Variants in C1orf50 observed in about 807,000 individuals in gnomAD.
C1orf50 encodes the protein uncharacterized protein C1orf50.
C1orf50 carries 22 observed loss-of-function variants against 23.3 expected under a neutral mutation model. That is an observed-to-expected ratio of 0.94 (90% CI 0.67 to 1.35). The LOEUF (loss-of-function observed/expected upper bound fraction) is 1.35, where lower values mean the gene tolerates loss of function less well. C1orf50 is among the 40% of genes most tolerant of loss of function. The pLI, the probability that C1orf50 is intolerant of heterozygous loss-of-function variation, is 0.00. For synonymous variants in C1orf50, 96 were observed against 102.4 expected, an observed-to-expected ratio of 0.94 and a Z score of 0.38; for missense variants, 271 against 249.4, an observed-to-expected ratio of 1.09 and a Z score of -0.58.
chr1:42,767,379 C>T lies in C1orf50; in HGVS notation c.68C>T (p.Ala23Val). 1.9e-6 allele frequency: 3 copies of T among 1,539,614 alleles called. No homozygotes were observed. The highest frequency in any genetic ancestry group is 2.6e-6 in the Non-Finnish European group (3 of 1,147,100). Residue 23 changes from alanine to valine, a missense_variant, in exon 1 of 5, where the codon GCA becomes GTA. Ala to Val is a moderately conservative substitution (Grantham distance 64). Coordinates refer to ENST00000372525, the MANE Select transcript of C1orf50 (RefSeq NM_024097.4). ...VLERQGAPPA[A>V]GQGGALVELT... ...GAAAGGCAAGGAGCGCCGCCAGCTG[C>T]AGGCCAGGGAGGTATGCGGGGCGGG...
chr1:42,772,999 A>C (rs1653256468), intron 2 of C1orf50, among the ~76,000 whole-genome samples: 1 of 152,224 alleles, frequency 6.6e-6, no homozygotes, highest in Non-Finnish European at 1.5e-5. Context: ...TTCTCAGTTC[A>C]GGGGGTGTGG....
Position 42,774,773 on chromosome 1 carries a change from C to T in C1orf50, c.319C>T (p.His107Tyr). 1 of 1,613,494 alleles carries T rather than the reference C, an allele frequency of 6.2e-7. No homozygotes were observed. The highest frequency in any genetic ancestry group is 2.2e-5 in the East Asian group (1 of 44,876). ...EDAHRDANLH[H>Y]VACNIVKKPG... is the part of the protein sequence containing the mutation. ...TGCTCACAGAGATGCCAACCTGCAC[C>T]ATGTAGCTTGTAATATAGTGAAAAA... Residue 107 changes from histidine (H) to tyrosine (Y), a missense_variant, in exon 4 of 5, where the codon CAT (histidine) becomes TAT (tyrosine). Transcript: ENST00000372525.
At position 42,767,326 on chromosome 1, in the gene C1orf50, C is replaced by T. The variant is rs193038877; in HGVS notation, c.15C>T (p.Ala5=). ...AAGGCGCTGTCATGGAGGACGCCGC[C>T]GCGCCGGGGCGGACCGAGGGGGTCC... is the stretch of plus-strand genomic sequence containing the variant. The part of the protein sequence containing the change: MEDA[A]APGRTEGVLE... Residue 5 remains alanine, a synonymous_variant, in exon 1 of 5, where the codon GCC becomes GCT. Transcript: ENST00000372525. 2 of 1,519,130 alleles carry T rather than the reference C, an allele frequency of 1.3e-6. No homozygotes were observed. The highest frequency in any genetic ancestry group is 2.5e-5 in the Admixed American group (1 of 39,584). 94.1% of individuals were successfully genotyped at this position (1,519,130 alleles called of 1,614,324 possible).
At position 42,778,802 on chromosome 1, in the gene C1orf50, A is replaced by G. The variant is rs977988305; in HGVS notation, c.*3408A>G. 1 of 152,306 alleles carries G rather than the reference A, an allele frequency of 6.6e-6. No homozygotes were observed. The highest frequency in any genetic ancestry group is 1.5e-5 in the Non-Finnish European group (1 of 68,042). The allele number at this position is 152,306 out of a possible 1,614,324, so 9.4% of individuals were successfully genotyped here. On this transcript the variant is annotated 3_prime_UTR_variant, in exon 5 of 5. Transcript: ENST00000372525. ...AACAGGAGAATATGGACTGGGGAAT[A>G]TGAGAGAAGAACTAATGGAAGGATT...
chr1:42,777,660 T>C lies in C1orf50; in HGVS notation c.*2266T>C, dbSNP rs1238256295. ...AGCCCATATTCAAGGGAGGGAGTTA[T>C]ACAAAGGCATGTATACCAGAAGGCA... On this transcript the variant is annotated 3_prime_UTR_variant, in exon 5 of 5. Transcript: ENST00000372525. The C allele has an allele frequency of 1.3e-5, 2 of 152,200 alleles. No individual in the cohort carries two copies. Among genetic ancestry groups the C allele is most frequent in the African/African-American group, 4.8e-5 (2 of 41,452 alleles). The allele number at this position is 152,200 out of a possible 1,614,324, so 9.4% of individuals were successfully genotyped here.
chr1:42,768,142 A>T (rs944449455), intron 2 of C1orf50, among the ~76,000 whole-genome samples: 4 of 152,238 alleles, frequency 2.6e-5, no homozygotes, highest in Non-Finnish European at 5.9e-5. Context: ...TAAGGAGGAA[A>T]TGTGAAATAA....
At chr1:42,772,846 A>G (rs778120906) in intron 2 of C1orf50, among the ~76,000 whole-genome samples, 2 of 152,166 alleles carry the variant, frequency 1.3e-5, no homozygotes, top group African/African-American at 2.4e-5. Flanking sequence ...TCTTGTGTGT[A>G]CATTATAACT....
In C1orf50 at chr1:42,776,315, C is replaced by T. The variant is rs1261768592; in HGVS notation, c.*921C>T. ...CATTTTGACCAGAATTATTCAAGAA[C>T]TTAACAGGGTTTTGGCAAAATTACT... On this transcript the variant is annotated 3_prime_UTR_variant, in exon 5 of 5. Coordinates refer to ENST00000372525, the MANE Select transcript of C1orf50 (RefSeq NM_024097.4). 1 of 152,216 alleles carries T rather than the reference C, an allele frequency of 6.6e-6. No homozygotes were observed. Among genetic ancestry groups the T allele is most frequent in the Non-Finnish European group, 1.5e-5 (1 of 68,040 alleles). 9.4% of individuals were successfully genotyped at this position (152,216 alleles called of 1,614,324 possible). A position where few individuals can be genotyped will look rare whatever the true frequency, so the allele number is the denominator to read the frequency against.
chr1:42,774,734 T>TAGGTACTGGAAGATGCTCACAGAGATGCC lies in C1orf50; in HGVS notation c.283-1_310dup. The TAGGTACTGGAAGATGCTCACAGAGATGCC allele has an allele frequency of 6.2e-7, 1 of 1,604,134 alleles. No homozygotes were observed. Among genetic ancestry groups the TAGGTACTGGAAGATGCTCACAGAGATGCC allele is most frequent in the Non-Finnish European group, 8.5e-7 (1 of 1,172,488 alleles). The stretch of plus-strand genomic sequence containing the variant: ...TAATTTGTTACATATCTGTGATTCA[T>TAGGTACTGGAAGATGCTCACAGAGATGCC]AGGTACTGGAAGATGCTCACAGAGA... On this transcript the variant is annotated splice_polypyrimidine_tract_variant and splice_region_variant and intron_variant, in intron 3 of 4. Transcript: ENST00000372525.
At chr1:42,774,582 T>A (rs1370467779) in intron 3 of C1orf50, among the ~76,000 whole-genome samples, 155 bp from the exon 4 acceptor site, 1 of 152,228 alleles carries the variant, frequency 6.6e-6, no homozygotes, top group Non-Finnish European at 1.5e-5. Flanking sequence ...AATTTTTGTT[T>A]CTTCAGAATA....
rs1170074140 is a variant in C1orf50 at position 42,767,543 on chromosome 1, C to T, written c.114C>T (p.Gly38=). 1 of 1,602,800 alleles carries T rather than the reference C, an allele frequency of 6.2e-7. No homozygotes were observed. Among genetic ancestry groups the T allele is most frequent in the Non-Finnish European group, 8.5e-7 (1 of 1,175,532 alleles). The change falls in exon 2 of 5, where the codon GGC becomes GGT. Residue 38 remains glycine (G), a synonymous_variant. Coordinates refer to ENST00000372525, the MANE Select transcript of C1orf50 (RefSeq NM_024097.4). ...ALVELTPTPG[G]LALVSPYHTH... is the part of the protein sequence containing the mutation. Reference sequence around the variant, plus strand: ...TGGAGCTCACCCCGACCCCCGGCGGCCTGGCCCTGGTGAGCCCCTACCACA... The same window carrying T: ...TGGAGCTCACCCCGACCCCCGGCGGTCTGGCCCTGGTGAGCCCCTACCACA...
intron 2 of C1orf50, among the ~76,000 whole-genome samples, chr1:42,770,394 ACTCT>A (rs1653190489): frequency 6.8e-6 from 1 of 147,078 alleles, no homozygotes; most frequent in Non-Finnish European, 1.5e-5. Context: ...AGAAATACCT[ACTCT>A]CTCCTTGGCC....
At position 42,775,391 on chromosome 1, in the gene C1orf50, C is replaced by CT. The variant is rs1653315973; in HGVS notation, c.598dup (p.Ter200LeufsTer31). 1 of 1,582,036 alleles carries CT rather than the reference C, an allele frequency of 6.3e-7. No individual in the cohort carries two copies. Among genetic ancestry groups the CT allele is most frequent in the East Asian group, 2.3e-5 (1 of 44,130 alleles). On this transcript the variant is annotated frameshift_variant, in exon 5 of 5. Coordinates refer to ENST00000372525, the MANE Select transcript of C1orf50 (RefSeq NM_024097.4). LOFTEE classifies it high-confidence loss of function. ...AACCCAACTTCCAGGGACTGACTCA[C>CT]TGAGAGTGGGCTTTGACAAACAGCT...
chr1:42,767,417 G>T (rs1441161255), intron 1 of C1orf50, 27 bp downstream of exon 1: 1 of 1,555,176 alleles, frequency 6.4e-7, no homozygotes, highest in Non-Finnish European at 8.7e-7. Context: ...TCAGCAGGGG[G>T]AAGTCAGCTC....
chr1:42,769,092 C>T (rs1332100678), intron 2 of C1orf50, among the ~76,000 whole-genome samples: 1 of 151,578 alleles, frequency 6.6e-6, no homozygotes, highest in Admixed American at 6.6e-5. Flanking sequence ...GGTGAAACCC[C>T]GTCTCTACTA....
At position 42,776,299 on chromosome 1, in the gene C1orf50, C is replaced by T. The variant is rs1190864710; in HGVS notation, c.*905C>T. The stretch of plus-strand genomic sequence containing the variant: ...AACTCAGATTGAAATCCATTTTGAC[C>T]AGAATTATTCAAGAACTTAACAGGG... On this transcript the variant is annotated 3_prime_UTR_variant, in exon 5 of 5. Transcript: ENST00000372525. 6.6e-6 allele frequency: 1 copy of T among 152,194 alleles called. No individual in the cohort carries two copies. Among genetic ancestry groups the T allele is most frequent in the African/African-American group, 2.4e-5 (1 of 41,442 alleles). The allele number at this position is 152,194 out of a possible 1,614,324, so 9.4% of individuals were successfully genotyped here.
At chr1:42,772,867 T>C (rs568144410) in intron 2 of C1orf50, among the ~76,000 whole-genome samples, 92 of 152,320 alleles carry the variant, frequency 6.0e-4, no homozygotes, top group African/African-American at 2.1e-3. Flanking sequence ...CTGTTTCAGG[T>C]CCACATCATA....
Position 42,767,538 on chromosome 1 carries a change from G to A in C1orf50, c.109G>A (p.Gly37Ser). ...CCTGGTGGAGCTCACCCCGACCCCC[G>A]GCGGCCTGGCCCTGGTGAGCCCCTA... ...GALVELTPTP[G>S]GLALVSPYHT... The change falls in exon 2 of 5, where the codon GGC becomes AGC. Residue 37 changes from glycine to serine, a missense_variant. Gly to Ser is a moderately conservative substitution (Grantham distance 56). Coordinates refer to ENST00000372525, the MANE Select transcript of C1orf50 (RefSeq NM_024097.4). The A allele has an allele frequency of 1.3e-6, 2 of 1,598,354 alleles. No individual in the cohort carries two copies. The highest frequency in any genetic ancestry group is 1.7e-6 in the Non-Finnish European group (2 of 1,173,240).
At chr1:42,773,033 A>G (rs1057504902) in intron 2 of C1orf50, among the ~76,000 whole-genome samples, 1 of 152,202 alleles carries the variant, frequency 6.6e-6, no homozygotes, top group African/African-American at 2.4e-5. Context: ...AAACCCGAAT[A>G]CTTTCTATGT....
Sources: gnomAD v4.1 joint callset for allele counts (sites outside exome capture counted in the v4.1 genomes callset) on GRCh38, gnomAD v4.1.1 for gene constraint, MANE v1.5 for transcripts, NCBI Gene and HGNC (gene_info 2026-07-23, HGNC 2026-07-21) for gene names.